The following FAM133B variants were observed in gnomAD, a reference collection of about 807,000 sequenced individuals.
FAM133B encodes the protein protein FAM133B.
Under a neutral mutation model 46.4 loss-of-function variants are expected in FAM133B, and 25 were observed. That is an observed-to-expected ratio of 0.54 (90% CI 0.39 to 0.75). The LOEUF (loss-of-function observed/expected upper bound fraction) is 0.75, where lower values mean the gene tolerates loss of function less well. FAM133B is among the 30% of genes least tolerant of loss of function. The pLI is 0.00. For missense variants in FAM133B, 205 were observed against 277.6 expected, an observed-to-expected ratio of 0.74 and a Z score of 1.86; for synonymous variants, 75 against 86.0, an observed-to-expected ratio of 0.87 and a Z score of 0.71.
rs1286952990 is a variant in FAM133B at position 92,590,372 on chromosome 7, C to T, written c.-81G>A. The T allele has an allele frequency of 5.6e-6, 9 of 1,600,640 alleles. No homozygotes were observed. Among genetic ancestry groups the T allele is most frequent in the East Asian group, 2.3e-5 (1 of 44,400 alleles). ...CCGAAGAGGGCCTGCCGCAGGTCCTCTTGCCGCCTCCCCACTCCGCCTAGA... is the reference window on the plus strand; with the variant it reads ...CCGAAGAGGGCCTGCCGCAGGTCCTTTTGCCGCCTCCCCACTCCGCCTAGA... On this transcript the variant is annotated 5_prime_UTR_variant, in exon 1 of 11. Coordinates refer to ENST00000445716, the MANE Select transcript of FAM133B (RefSeq NM_152789.4).
intron 3 of FAM133B, 129 bp downstream of exon 3, chr7:92,579,188 C>G: frequency 2.9e-6 from 2 of 681,762 alleles, no homozygotes; most frequent in South Asian, 3.5e-5. Context: ...GGGGGCCTTA[C>G]TTTGTTGCCC....
At chr7:92,577,866 C>G (rs777950229) in intron 5 of FAM133B, 149 bp from the exon 6 acceptor site, 1 of 711,516 alleles carries the variant, frequency 1.4e-6, no homozygotes, top group African/African-American at 1.8e-5. Context: ...TAAAATGTCA[C>G]ACTTGTTCCC....
Position 92,578,335 on chromosome 7 carries a change from G to A in FAM133B, c.260C>T (p.Ser87Leu), listed in dbSNP as rs1171919057. ...TGGTATTACCTGTCTTTTTTTGGAT[G>A]AGCTCTCACTTCCACTTAACAATTT... The part of the protein sequence containing the change: ...REKLLSGSES[S>L]SKKRQRKKKE... The change falls in exon 4 of 11, where the codon TCA becomes TTA. Residue 87 changes from serine to leucine, a missense_variant. Transcript: ENST00000445716. 1.2e-6 allele frequency: 2 copies of A among 1,613,236 alleles called. No individual in the cohort carries two copies. The highest frequency in any genetic ancestry group is 1.7e-5 in the Admixed American group (1 of 59,908).
At chr7:92,566,534 T>C (rs1585296897) in intron 9 of FAM133B, among the ~76,000 whole-genome samples, 1 of 152,000 alleles carries the variant, frequency 6.6e-6, no homozygotes, top group East Asian at 1.9e-4. Flanking sequence ...CCCAGCTAAC[T>C]GGAAGGTTGA....
rs376567555 is a variant in FAM133B, at chr7:92,578,120, C to T, written c.309+30G>A. The T allele has an allele frequency of 1.2e-5, 19 of 1,582,634 alleles. No homozygotes were observed. In the Middle Eastern group the frequency reaches 5.0e-4, roughly 42 times the overall value. On this transcript the variant is annotated intron_variant, in intron 5 of 10. Transcript: ENST00000445716. ...TTTTTTTGTTGGCTCTTAATTGTAACGTTTAGAAAAATGGAAAATTTTTGC... is the reference window on the plus strand; with the variant it reads ...TTTTTTTGTTGGCTCTTAATTGTAATGTTTAGAAAAATGGAAAATTTTTGC...
At chr7:92,574,867 T>A (rs1029857522) in intron 8 of FAM133B, among the ~76,000 whole-genome samples, 1 of 149,288 alleles carries the variant, frequency 6.7e-6, no homozygotes, top group Non-Finnish European at 1.5e-5. Flanking sequence ...ATTGCGCCAC[T>A]GCAGTCCGCA....
At chr7:92,570,459 T>C (rs1345109867) in intron 8 of FAM133B, among the ~76,000 whole-genome samples, 1 of 152,076 alleles carries the variant, frequency 6.6e-6, no homozygotes, top group African/African-American at 2.4e-5. Context: ...GAGTAGTACT[T>C]AGGGGCTTAA....
intron 9 of FAM133B, among the ~76,000 whole-genome samples, chr7:92,566,573 T>C (rs1771678341): frequency 1.3e-5 from 2 of 152,052 alleles, no homozygotes; most frequent in African/African-American, 2.4e-5. Flanking sequence ...GCCCAGGAGG[T>C]TGAGGCTGCA....
chr7:92,563,286 C>G (rs1794215292), intron 10 of FAM133B, among the ~76,000 whole-genome samples: 1 of 152,214 alleles, frequency 6.6e-6, no homozygotes. Flanking sequence ...TTTCAACATT[C>G]TTTTCTCACT....
intron 10 of FAM133B, 68 bp downstream of exon 10, chr7:92,565,946 C>T: frequency 2.0e-6 from 3 of 1,517,508 alleles, no homozygotes; most frequent in Non-Finnish European, 2.7e-6. Flanking sequence ...CAAGCTTTAC[C>T]ATGACTCATT....
intron 1 of FAM133B, 102 bp downstream of exon 1, chr7:92,590,166 G>T: frequency 6.3e-7 from 1 of 1,583,230 alleles, no homozygotes; most frequent in Non-Finnish European, 8.7e-7. Context: ...CACGTCTGAG[G>T]GCTGCCGCTT....
chr7:92,590,072 G>A (rs971281658), intron 1 of FAM133B, 196 bp downstream of exon 1: 9 of 678,308 alleles, frequency 1.3e-5, no homozygotes, highest in African/African-American at 3.7e-5. Context: ...GCGGGCAAGA[G>A]AGAGCTGGGA....
rs1055562961 is a variant in FAM133B, at chr7:92,584,075, A to G, written c.25-2472T>C. Among the ~76,000 whole-genome samples, 13 of 145,584 alleles carry G rather than the reference A, an allele frequency of 8.9e-5. 1 individual carries two copies. The highest frequency in any genetic ancestry group is 3.0e-4 in the African/African-American group (12 of 39,840). On this transcript the variant is annotated intron_variant, in intron 1 of 10. Transcript: ENST00000445716. ...AAAAAAAAAAAAAAAAAAAAAAAAG[A>G]AAGGGTCTTGCTCTTTTGCCCAGGC...
At chr7:92,569,710 T>C in intron 9 of FAM133B, 113 bp downstream of exon 9, 1 of 516,824 alleles carries the variant, frequency 1.9e-6, no homozygotes, top group Non-Finnish European at 3.2e-6. Context: ...TGTTTTTTCA[T>C]ACTAGAAAGG....
At chr7:92,585,867 A>G (rs1210366729) in intron 1 of FAM133B, among the ~76,000 whole-genome samples, 1 of 152,218 alleles carries the variant, frequency 6.6e-6, no homozygotes, top group African/African-American at 2.4e-5. Flanking sequence ...AGAAAATGAC[A>G]AAAATCCAAC....
At chr7:92,573,114 A>G (rs1239883359) in intron 8 of FAM133B, among the ~76,000 whole-genome samples, 1 of 151,564 alleles carries the variant, frequency 6.6e-6, no homozygotes, top group African/African-American at 2.4e-5. Context: ...AAAGACATAC[A>G]CTAGTTTCAG....
intron 5 of FAM133B, 103 bp from the exon 6 acceptor site, chr7:92,577,820 C>T: frequency 2.3e-6 from 2 of 885,302 alleles, no homozygotes; most frequent in Admixed American, 5.5e-5. Context: ...GTCTGAGAAA[C>T]AGATGCCATA....
chr7:92,589,570 A>G (rs1795131660), intron 1 of FAM133B, among the ~76,000 whole-genome samples: 1 of 152,220 alleles, frequency 6.6e-6, no homozygotes, highest in Non-Finnish European at 1.5e-5. Flanking sequence ...ACAGAGAAGA[A>G]AAGTAACTTG....
chr7:92,590,282 G>A lies in FAM133B; in HGVS notation c.10C>T (p.Arg4Trp). MGK[R>W]DNRVAYMNPI... is the part of the protein sequence containing the mutation. ...TGAGTACTCACCACCCGATTGTCCCGCTTCCCCATGGTGCTGGATCGAGCG... is the reference window on the plus strand; with the variant it reads ...TGAGTACTCACCACCCGATTGTCCCACTTCCCCATGGTGCTGGATCGAGCG... Residue 4 changes from arginine to tryptophan, a missense_variant, in exon 1 of 11, where the codon CGG (arginine) becomes TGG (tryptophan). Physicochemically the swap from Arg to Trp is moderately radical, Grantham distance 101. Coordinates refer to ENST00000445716, the MANE Select transcript of FAM133B (RefSeq NM_152789.4). 1.2e-6 allele frequency: 2 copies of A among 1,613,764 alleles called. No individual in the cohort carries two copies. The highest frequency in any genetic ancestry group is 1.3e-5 in the African/African-American group (1 of 75,020).
Sources: gnomAD v4.1 joint callset for allele counts (sites outside exome capture counted in the v4.1 genomes callset) on GRCh38, gnomAD v4.1.1 for gene constraint, MANE v1.5 for transcripts, NCBI Gene and HGNC (gene_info 2026-07-23, HGNC 2026-07-21) for gene names.